Variants in STPG2 observed in about 807,000 individuals in gnomAD.
STPG2 encodes sperm tail PG-rich repeat containing 2.
STPG2 carries 56 observed loss-of-function variants against 54.2 expected under a neutral mutation model. The ratio of observed to expected loss-of-function variants is 1.03; its 90% CI spans 0.83 to 1.29. The LOEUF (loss-of-function observed/expected upper bound fraction) is 1.29, where lower values mean the gene tolerates loss of function less well. STPG2 is among the 50% of genes most tolerant of loss of function. The pLI, the probability that STPG2 is intolerant of heterozygous loss-of-function variation, is 0.00. For missense variants in STPG2, 596 were observed against 544.9 expected, an observed-to-expected ratio of 1.09 and a Z score of -0.93; for synonymous variants, 200 against 181.8, an observed-to-expected ratio of 1.10 and a Z score of -0.81.
At chr4:98,032,579 C>T (rs893429653) in intron 5 of STPG2, among the ~76,000 whole-genome samples, 6 of 151,972 alleles carry the variant, frequency 3.9e-5, no homozygotes, top group East Asian at 1.9e-4. Context: ...AACTCACTTC[C>T]GGACCAAGCA....
chr4:97,473,690 C>T (rs1395984060), intron 4 of STPG2, among the ~76,000 whole-genome samples: 1 of 152,108 alleles, frequency 6.6e-6, no homozygotes. Context: ...TCAAACACTC[C>T]CTCCCCTTTT....
At chr4:97,514,345 A>C (rs1731032875) in intron 4 of STPG2, among the ~76,000 whole-genome samples, 1 of 152,104 alleles carries the variant, frequency 6.6e-6, no homozygotes, top group Non-Finnish European at 1.5e-5. Context: ...GAGGAAATTG[A>C]TAAAGTGTGA....
chr4:97,643,635 T>C (rs1021876633), intron 10 of STPG2, among the ~76,000 whole-genome samples: 2 of 151,824 alleles, frequency 1.3e-5, no homozygotes, highest in Non-Finnish European at 3.0e-5. Context: ...TATCCAGACA[T>C]ACTTATTAAT....
At chr4:97,630,431 CAAAAT>C (rs1484348808) in intron 10 of STPG2, among the ~76,000 whole-genome samples, 1 of 151,646 alleles carries the variant, frequency 6.6e-6, no homozygotes, top group African/African-American at 2.4e-5. Flanking sequence ...TTTTTTTAAA[CAAAAT>C]AAATTACTAT....
At chr4:97,906,992 A>C (rs754211084) in intron 8 of STPG2, among the ~76,000 whole-genome samples, 30 of 150,244 alleles carry the variant, frequency 2.0e-4, no homozygotes, top group Non-Finnish European at 4.2e-4. Context: ...CTCCTATTCA[A>C]CATAGTGTTG....
intron 9 of STPG2, among the ~76,000 whole-genome samples, chr4:97,734,812 C>T (rs1560506717): frequency 6.6e-6 from 1 of 152,034 alleles, no homozygotes; most frequent in Non-Finnish European, 1.5e-5. Context: ...GTGGCTCATG[C>T]CTGTAATCCT....
chr4:98,023,540 AC>A (rs1736303844), intron 5 of STPG2, among the ~76,000 whole-genome samples: 1 of 152,118 alleles, frequency 6.6e-6, no homozygotes, highest in South Asian at 2.1e-4. Flanking sequence ...TGCTGGGGGA[AC>A]CACTATTCTC....
At chr4:97,986,410 G>T (rs976589743) in intron 5 of STPG2, among the ~76,000 whole-genome samples, 1 of 152,156 alleles carries the variant, frequency 6.6e-6, no homozygotes, top group Non-Finnish European at 1.5e-5. Context: ...ATGTGAAATG[G>T]TTACTGCAAA....
chr4:97,921,247 C>G (rs1732095428), intron 8 of STPG2, among the ~76,000 whole-genome samples: 1 of 152,052 alleles, frequency 6.6e-6, no homozygotes, highest in East Asian at 1.9e-4. Context: ...GCTCCAGGCC[C>G]ACTCCACTAC....
At chr4:97,613,475 CGT>C (rs70953075) in intron 10 of STPG2, among the ~76,000 whole-genome samples, 23,142 of 141,914 alleles carry the variant, frequency 0.16, 1,822 homozygotes, top group East Asian at 0.33. Flanking sequence ...AGTCATCACC[CGT>C]GTGTGTGTGT....
intron 8 of STPG2, among the ~76,000 whole-genome samples, chr4:97,908,207 C>T (rs974926060): frequency 1.3e-5 from 2 of 152,082 alleles, no homozygotes; most frequent in African/African-American, 4.8e-5. Flanking sequence ...GGGCAAAGGA[C>T]ATGAACACAC....
chr4:97,739,390 G>C (rs958260405), intron 9 of STPG2, among the ~76,000 whole-genome samples: 1 of 151,630 alleles, frequency 6.6e-6, no homozygotes, highest in Non-Finnish European at 1.5e-5. Context: ...AAATAGAGAC[G>C]CAAAAAACCC....
intron 10 of STPG2, among the ~76,000 whole-genome samples, chr4:97,635,827 C>G (rs987356291): frequency 3.3e-5 from 5 of 151,666 alleles, no homozygotes; most frequent in Non-Finnish European, 5.9e-5. Flanking sequence ...ACAGGAGCAC[C>G]CAGATTCATA....
At chr4:97,743,895 T>C (rs1725344177) in intron 9 of STPG2, among the ~76,000 whole-genome samples, 1 of 151,354 alleles carries the variant, frequency 6.6e-6, no homozygotes, top group Non-Finnish European at 1.5e-5. Flanking sequence ...TATTCATAGG[T>C]GAAAGAAAGA....
chr4:97,833,252 G>A (rs939290656), intron 9 of STPG2, among the ~76,000 whole-genome samples: 1 of 151,710 alleles, frequency 6.6e-6, no homozygotes, highest in Non-Finnish European at 1.5e-5. Context: ...CAAAAGCAAT[G>A]GGGAAAGATT....
rs1230964057 is a variant in STPG2, at chr4:97,742,557, G to GTA, written c.1205-29744_1205-29743insTA. Among the ~76,000 whole-genome samples, 523 of 115,806 alleles carry GTA rather than the reference G, an allele frequency of 4.5e-3. 11 individuals are homozygous for GTA. Among genetic ancestry groups the GTA allele is most frequent in the Middle Eastern group, 0.038 (7 of 182 alleles). 76.0% of individuals were successfully genotyped at this position (115,806 alleles called of 152,430 possible). A position where few individuals can be genotyped will look rare whatever the true frequency, so the allele number is the denominator to read the frequency against. On this transcript the variant is annotated intron_variant, in intron 9 of 10. Coordinates refer to ENST00000295268, the MANE Select transcript of STPG2 (RefSeq NM_174952.3). ...TGTGTGTGTGTGTGTGTGTGTGTGT[G>GTA]TGTGTGTGTCTATATATATATGGAA...
chr4:97,521,651 C>T (rs1211239463), intron 4 of STPG2, among the ~76,000 whole-genome samples: 1 of 151,982 alleles, frequency 6.6e-6, no homozygotes, highest in Non-Finnish European at 1.5e-5. Context: ...GATTAAGAAT[C>T]TCATCTTCAA....
At position 98,132,568 on chromosome 4, in the gene STPG2, C is replaced by T. The variant is rs887285464; in HGVS notation, c.222+1779G>A. On this transcript the variant is annotated intron_variant, in intron 2 of 10. Coordinates refer to ENST00000295268, the MANE Select transcript of STPG2 (RefSeq NM_174952.3). The stretch of plus-strand genomic sequence containing the variant: ...AAATAAACTTCTTAAAACGTTTCTC[C>T]CGGTTTTGTAGACTATGGCCTCCTT... 2.6e-5 allele frequency among the ~76,000 whole-genome samples: 4 copies of T among 151,990 alleles called. No homozygotes were observed. In the South Asian group the frequency reaches 8.3e-4, roughly 32 times the overall value.
intron 8 of STPG2, among the ~76,000 whole-genome samples, chr4:97,915,592 A>G (rs1731844490): frequency 6.6e-6 from 1 of 152,114 alleles, no homozygotes; most frequent in South Asian, 2.1e-4. Context: ...GTAAAGGCAC[A>G]TGACAAAGGT....
Sources: allele counts gnomAD v4.1 joint callset (sites outside exome capture counted in the v4.1 genomes callset), GRCh38; gene constraint gnomAD v4.1.1; transcripts MANE v1.5; gene names NCBI Gene and HGNC (gene_info 2026-07-23, HGNC 2026-07-21).